The following PAK3 variants were observed in gnomAD, a reference collection of about 807,000 sequenced individuals.
PAK3 encodes the protein p21 (RAC1) activated kinase 3, also known as serine/threonine-protein kinase PAK 3.
In PAK3, 4 loss-of-function variants were observed where a neutral mutation model predicts 41.0. That is an observed-to-expected ratio of 0.10 (90% confidence interval 0.05 to 0.22). The LOEUF (loss-of-function observed/expected upper bound fraction) is 0.22, where lower values mean the gene tolerates loss of function less well. Ranked by LOEUF, PAK3 falls within the 10% of genes least tolerant of loss-of-function variation. The pLI is 1.00. For missense variants in PAK3, 205 were observed against 409.9 expected, an observed-to-expected ratio of 0.50 and a Z score of 4.32; for synonymous variants, 146 against 139.6, an observed-to-expected ratio of 1.05 and a Z score of -0.32.
chrX:111,003,305 T>G (rs2091876930), intron 1 of PAK3, among the ~76,000 whole-genome samples: 1 of 111,549 alleles, frequency 9.0e-6, no homozygotes, highest in African/African-American at 3.3e-5. Context: ...TCAAAGATAA[T>G]GTAGTTTTGC....
At chrX:111,163,811 T>C (rs1038595928) in intron 10 of PAK3, 84 bp downstream of exon 10, 2 of 780,347 alleles carry the variant, frequency 2.6e-6, no homozygotes, top group African/African-American at 4.1e-5. Flanking sequence ...CTTTGGAAGT[T>C]TTAATCTGCT....
intron 5 of PAK3, among the ~76,000 whole-genome samples, chrX:111,125,997 G>C (rs998457721): frequency 8.9e-6 from 1 of 111,732 alleles, no homozygotes; most frequent in African/African-American, 3.2e-5. Context: ...AAATTCACTT[G>C]CTTGATAGAA....
chrX:111,088,227 C>A (rs987828614), intron 1 of PAK3, among the ~76,000 whole-genome samples: 1 of 111,526 alleles, frequency 9.0e-6, no homozygotes, highest in African/African-American at 3.3e-5. Flanking sequence ...TTATATTTAA[C>A]CTTCCCAATT....
intron 1 of PAK3, among the ~76,000 whole-genome samples, chrX:110,982,272 G>A (rs892463462): frequency 1.8e-5 from 2 of 111,909 alleles, no homozygotes; most frequent in Non-Finnish European, 3.8e-5. Flanking sequence ...ACACCAAGTT[G>A]GTTGTGAGGA....
intron 16 of PAK3, among the ~76,000 whole-genome samples, chrX:111,206,489 G>A (rs932156715): frequency 8.9e-6 from 1 of 112,308 alleles, no homozygotes; most frequent in East Asian, 2.8e-4. Context: ...CTTTGTGCTT[G>A]AAAGGAGCAC....
intron 1 of PAK3, among the ~76,000 whole-genome samples, chrX:110,996,594 T>TTAG (rs2091744252): frequency 9.0e-6 from 1 of 111,371 alleles, no homozygotes. Context: ...TCTAATGGGA[T>TTAG]TAGTGCCTTG....
intron 16 of PAK3, among the ~76,000 whole-genome samples, chrX:111,201,529 T>C (rs912519075): frequency 1.8e-5 from 2 of 111,416 alleles, no homozygotes; most frequent in Non-Finnish European, 3.8e-5. Context: ...TTGTGTGCTT[T>C]GAGGTGGAAA....
chrX:111,041,917 C>T (rs752634814), intron 1 of PAK3, among the ~76,000 whole-genome samples: 1 of 111,743 alleles, frequency 8.9e-6, no homozygotes, highest in Non-Finnish European at 1.9e-5. Context: ...TTTATTACTG[C>T]ATATATATAC....
At chrX:111,108,537 T>C (rs1267310632) in intron 4 of PAK3, among the ~76,000 whole-genome samples, 3 of 112,441 alleles carry the variant, frequency 2.7e-5, no homozygotes, top group African/African-American at 6.5e-5. Flanking sequence ...TAGATTCTTA[T>C]GGGAGCGTGA....
chrX:110,954,367 A>G (rs1569495937), intron 1 of PAK3, among the ~76,000 whole-genome samples: 1 of 111,903 alleles, frequency 8.9e-6, no homozygotes, highest in Non-Finnish European at 1.9e-5. Context: ...TTTCTCTGCA[A>G]CTCTGTTAGG....
At chrX:111,096,648 C>G in intron 1 of PAK3, 1 of 110,843 alleles carries the variant, frequency 9.0e-6, no homozygotes, top group East Asian at 2.9e-4. Context: ...CCCAGAGGGC[C>G]GGGGCTCCTT....
At chrX:111,029,408 C>T (rs1008807205) in intron 1 of PAK3, among the ~76,000 whole-genome samples, 1 of 111,371 alleles carries the variant, frequency 9.0e-6, no homozygotes, top group Admixed American at 9.6e-5. Context: ...ACTAATAGCC[C>T]GCCATTGACC....
chrX:111,082,820 G>A (rs1439793320), intron 1 of PAK3, among the ~76,000 whole-genome samples: 5 of 111,408 alleles, frequency 4.5e-5, no homozygotes, highest in Non-Finnish European at 7.5e-5. Context: ...ATATTCTCCT[G>A]TATATTTTTC....
chrX:111,029,498 T>C (rs7888099), intron 1 of PAK3, among the ~76,000 whole-genome samples: 3,638 of 111,820 alleles, frequency 0.033, 140 homozygotes, highest in African/African-American at 0.11. Flanking sequence ...ATTCTCACAA[T>C]AAAGTACAAT....
chrX:111,102,960 T>G (rs1324644392), intron 3 of PAK3, among the ~76,000 whole-genome samples, 199 bp from the exon 4 acceptor site: 2 of 111,504 alleles, frequency 1.8e-5, no homozygotes, highest in Non-Finnish European at 3.8e-5. Context: ...TCTAGCTTTC[T>G]TAAGAGATAT....
At chrX:110,955,443 G>A (rs764949961) in intron 1 of PAK3, among the ~76,000 whole-genome samples, 3 of 111,508 alleles carry the variant, frequency 2.7e-5, no homozygotes, top group South Asian at 7.6e-4. Context: ...CTTTATTGCC[G>A]TTTCCGGTAA....
intron 4 of PAK3, among the ~76,000 whole-genome samples, chrX:111,117,922 T>C (rs1225911761): frequency 9.0e-6 from 1 of 111,140 alleles, no homozygotes; most frequent in Admixed American, 9.6e-5. Context: ...CTATAGTTAG[T>C]GGTTGGGCTG....
At chrX:111,184,859 T>G (rs1274431102) in intron 11 of PAK3, among the ~76,000 whole-genome samples, 3 of 111,664 alleles carry the variant, frequency 2.7e-5, no homozygotes, top group Non-Finnish European at 5.7e-5. Flanking sequence ...GCAATAAACG[T>G]ACATGTACAC....
intron 6 of PAK3, among the ~76,000 whole-genome samples, chrX:111,143,649 G>T (rs928656168): frequency 9.1e-6 from 1 of 110,255 alleles, no homozygotes; most frequent in Non-Finnish European, 1.9e-5. Flanking sequence ...ATCACCACCA[G>T]AAAAAAACGT....
Sources: gnomAD v4.1 joint callset for allele counts (sites outside exome capture counted in the v4.1 genomes callset) on GRCh38, gnomAD v4.1.1 for gene constraint, MANE v1.5 for transcripts, NCBI Gene and HGNC (gene_info 2026-07-23, HGNC 2026-07-21) for gene names.